Variants in RAPGEF4 observed in about 807,000 individuals in gnomAD.
RAPGEF4 encodes the protein Rap guanine nucleotide exchange factor 4, also known as RAP guanine-nucleotide-exchange factor (GEF) 4.
In RAPGEF4, 66 loss-of-function variants were observed where a neutral mutation model predicts 147.9. The ratio of observed to expected loss-of-function variants is 0.45; its 90% CI spans 0.37 to 0.55. The LOEUF is 0.55. Ranked by LOEUF, RAPGEF4 falls within the 20% of genes least tolerant of loss-of-function variation. RAPGEF4 has a pLI of 0.00. For missense variants in RAPGEF4, 1,071 were observed against 1,257.3 expected (o/e 0.85, Z 2.24); for synonymous variants, 419 against 442.7 (o/e 0.95, Z 0.67).
At chr2:172,922,210 A>C (rs1684839836) in intron 5 of RAPGEF4, 71 bp from the exon 6 acceptor site, 13 of 1,498,678 alleles carry the variant, frequency 8.7e-6, no homozygotes, top group Non-Finnish European at 1.2e-5. Flanking sequence ...TGGTTCAGCA[A>C]AATTTCAATT....
intron 10 of RAPGEF4, among the ~76,000 whole-genome samples, chr2:172,976,585 A>G (rs1397205765): frequency 6.6e-6 from 1 of 152,206 alleles, no homozygotes; most frequent in African/African-American, 2.4e-5. Flanking sequence ...AAGCTTGACC[A>G]TGGCTTATGT....
chr2:172,746,595 C>T (rs1694793616), intron 1 of RAPGEF4, among the ~76,000 whole-genome samples: 2 of 151,944 alleles, frequency 1.3e-5, no homozygotes, highest in Admixed American at 6.6e-5. Context: ...GGATGACTTG[C>T]TGTATAGAAA....
chr2:172,769,297 T>C (rs541346296), intron 1 of RAPGEF4, among the ~76,000 whole-genome samples: 1 of 152,212 alleles, frequency 6.6e-6, no homozygotes, highest in South Asian at 2.1e-4. Context: ...GGCCAGATGG[T>C]TGAAGCTTAG....
chr2:172,827,497 C>T (rs1213908392), intron 4 of RAPGEF4, among the ~76,000 whole-genome samples: 5 of 152,062 alleles, frequency 3.3e-5, no homozygotes, highest in African/African-American at 4.8e-5. Flanking sequence ...TAACCTCTTC[C>T]TTTTCAATTC....
At chr2:172,832,055 A>G (rs747233623) in intron 4 of RAPGEF4, among the ~76,000 whole-genome samples, 33 of 152,242 alleles carry the variant, frequency 2.2e-4, no homozygotes, top group Non-Finnish European at 2.9e-4. Flanking sequence ...TTACAGAGCT[A>G]TAAATCAGGG....
At chr2:172,862,112 G>A (rs1024665729) in intron 4 of RAPGEF4, among the ~76,000 whole-genome samples, 2 of 152,202 alleles carry the variant, frequency 1.3e-5, no homozygotes, top group African/African-American at 4.8e-5. Context: ...TAAGCTGGCA[G>A]GAGATCAGAG....
At position 173,034,646 on chromosome 2, in the gene RAPGEF4, G is replaced by A. The variant is rs866837837; in HGVS notation, c.2700+682G>A. Among the ~76,000 whole-genome samples, 94 of 152,260 alleles carry A rather than the reference G, an allele frequency of 6.2e-4. No individual in the cohort carries two copies. In the Middle Eastern group the frequency reaches 0.01, roughly 17 times the overall value. ...CCCAGCACTTTGGGAGGCCAGGAAA[G>A]GTGGATTACTTGAGGTCAGGAATTC... On this transcript the variant is annotated intron_variant, in intron 27 of 30. Coordinates refer to ENST00000397081, the MANE Select transcript of RAPGEF4 (RefSeq NM_007023.4).
chr2:172,784,828 A>AT (rs34032216), intron 1 of RAPGEF4, among the ~76,000 whole-genome samples: 15,025 of 143,398 alleles, frequency 0.1, 892 homozygotes, highest in East Asian at 0.31. Context: ...ATGAGATTCT[A>AT]TTTTTTTTTT....
intron 4 of RAPGEF4, among the ~76,000 whole-genome samples, chr2:172,910,045 G>A (rs1228076579): frequency 1.3e-5 from 2 of 152,176 alleles, no homozygotes; most frequent in African/African-American, 4.8e-5. Flanking sequence ...CTGTGATTTG[G>A]CTGCAGACCA....
chr2:172,858,257 C>T (rs1043838124), intron 4 of RAPGEF4, among the ~76,000 whole-genome samples: 3 of 152,128 alleles, frequency 2.0e-5, no homozygotes, highest in African/African-American at 7.2e-5. Context: ...TTAATTTCAT[C>T]GTATTCCTCT....
rs1268901656 is a variant in RAPGEF4 at position 172,798,648 on chromosome 2, C to CTTTTTTTTTTTTTTTTTTTTTTTTTG, written c.297+1035_297+1036insTTTTTTTTTTTTTTTTTTTTTTTTTG. Among the ~76,000 whole-genome samples, 166 of 151,878 alleles carry CTTTTTTTTTTTTTTTTTTTTTTTTTG rather than the reference C, an allele frequency of 1.1e-3. 1 individual carries two copies. Among genetic ancestry groups the CTTTTTTTTTTTTTTTTTTTTTTTTTG allele is most frequent in the East Asian group, 1.9e-3 (10 of 5,160 alleles). Reference sequence around the variant, plus strand: ...TAAGGCAATGTTTTGGAGGCTTTTTCATAGGTAGCACACTTCAAATGTGAG... The same window carrying CTTTTTTTTTTTTTTTTTTTTTTTTTG: ...TAAGGCAATGTTTTGGAGGCTTTTTCTTTTTTTTTTTTTTTTTTTTTTTTTGATAGGTAGCACACTTCAAATGTGAG... On this transcript the variant is annotated intron_variant, in intron 3 of 30. Coordinates refer to ENST00000397081, the MANE Select transcript of RAPGEF4 (RefSeq NM_007023.4).
chr2:172,868,203 A>T lies in RAPGEF4; in HGVS notation c.445-49599A>T, dbSNP rs910062497. 2.6e-5 allele frequency among the ~76,000 whole-genome samples: 4 copies of T among 152,334 alleles called. No homozygotes were observed. The East Asian group carries it at 7.7e-4, about 29-fold the overall frequency. On this transcript the variant is annotated intron_variant, in intron 4 of 30. Coordinates refer to ENST00000397081, the MANE Select transcript of RAPGEF4 (RefSeq NM_007023.4). ...CGAGCATCCCAGTAATCAATCTCAGAAATAATAAAAGCATGAATTAAATGT... is the reference window on the plus strand; with the variant it reads ...CGAGCATCCCAGTAATCAATCTCAGTAATAATAAAAGCATGAATTAAATGT...
chr2:172,991,385 A>G (rs1307238876), intron 15 of RAPGEF4, among the ~76,000 whole-genome samples: 1 of 152,182 alleles, frequency 6.6e-6, no homozygotes, highest in East Asian at 1.9e-4. Context: ...AATATAAAAC[A>G]GTCTATTGAT....
chr2:172,787,598 G>GCTTT (rs1167071556), intron 1 of RAPGEF4, among the ~76,000 whole-genome samples: 4 of 85,404 alleles, frequency 4.7e-5, no homozygotes, highest in Non-Finnish European at 1.0e-4. Flanking sequence ...AAAACAAAGT[G>GCTTT]CTTTATTTAT....
intron 16 of RAPGEF4, among the ~76,000 whole-genome samples, chr2:173,000,439 G>T (rs1417215359): frequency 6.6e-6 from 1 of 152,130 alleles, no homozygotes; most frequent in Admixed American, 6.5e-5. Context: ...TGGCATCTTG[G>T]GTTCCAAGTT....
Position 172,742,184 on chromosome 2 carries a change from G to A in RAPGEF4, c.65+6136G>A, listed in dbSNP as rs73044859. ...TACCACACACATTAAACAACTTGAC[G>A]TTAGTTCTCTAATATAATCAATTAT... On this transcript the variant is annotated intron_variant, in intron 1 of 30. Transcript: ENST00000397081. Among the ~76,000 whole-genome samples, 850 of 152,274 alleles carry A rather than the reference G, an allele frequency of 5.6e-3. 11 individuals carry two copies. The highest frequency in any genetic ancestry group is 0.019 in the African/African-American group (793 of 41,544).
intron 10 of RAPGEF4, among the ~76,000 whole-genome samples, chr2:172,983,000 G>GA (rs1226442781): frequency 1.3e-5 from 2 of 152,094 alleles, no homozygotes; most frequent in Admixed American, 1.3e-4. Context: ...GAGTCCTTCG[G>GA]AAAAAATACA....
rs1429801981 is a variant in RAPGEF4, at chr2:172,848,276, C to T, written c.444+33851C>T. 3.9e-5 allele frequency among the ~76,000 whole-genome samples: 6 copies of T among 152,126 alleles called. No homozygotes were observed. The South Asian group carries it at 1.0e-3, about 26-fold the overall frequency. ...GGTTCTAATCTTGTGAATCAAAAGT[C>T]AAGGTATACATTCTTCCCCCGCCAG... On this transcript the variant is annotated intron_variant, in intron 4 of 30. Transcript: ENST00000397081.
intron 1 of RAPGEF4, among the ~76,000 whole-genome samples, chr2:172,755,648 G>A (rs562636683): frequency 1.3e-5 from 2 of 152,070 alleles, no homozygotes; most frequent in Non-Finnish European, 1.5e-5. Flanking sequence ...TGCCCACCTC[G>A]GCCTCCCAAA....
Sources: allele counts gnomAD v4.1 joint callset (sites outside exome capture counted in the v4.1 genomes callset), GRCh38; gene constraint gnomAD v4.1.1; transcripts MANE v1.5; gene names NCBI Gene and HGNC (gene_info 2026-07-23, HGNC 2026-07-21).